Variants in INPP5F observed in about 807,000 individuals in gnomAD.
INPP5F encodes phosphatidylinositide 4-phosphatase SAC2.
In INPP5F, 97 loss-of-function variants were observed where a neutral mutation model predicts 137.2. That is an observed-to-expected ratio of 0.71 (90% CI 0.60 to 0.84). The LOEUF (loss-of-function observed/expected upper bound fraction) is 0.84, where lower values mean the gene tolerates loss of function less well. Ranked by LOEUF, INPP5F falls within the 40% of genes least tolerant of loss-of-function variation. The probability of loss-of-function intolerance (pLI) is 0.00; values close to 1 mark genes in which losing one functional copy is unlikely to be tolerated. For missense variants in INPP5F, 1,271 were observed against 1,371.9 expected, an observed-to-expected ratio of 0.93 and a Z score of 1.16; for synonymous variants, 504 against 476.9, an observed-to-expected ratio of 1.06 and a Z score of -0.74.
chr10:119,762,842 CT>C (rs1322620129), intron 2 of INPP5F, among the ~76,000 whole-genome samples: 1 of 152,164 alleles, frequency 6.6e-6, no homozygotes, highest in Non-Finnish European at 1.5e-5. Context: ...CCCTGTCCCC[CT>C]AAATGTATGC....
chr10:119,752,952 CT>C (rs34756292), intron 2 of INPP5F, among the ~76,000 whole-genome samples: 62 of 139,872 alleles, frequency 4.4e-4, no homozygotes, highest in Admixed American at 7.8e-4. Context: ...TTTTTTCTTT[CT>C]TTTTTTTTTG....
intron 2 of INPP5F, among the ~76,000 whole-genome samples, chr10:119,780,616 T>G (rs1849669578): frequency 6.6e-6 from 1 of 152,202 alleles, no homozygotes; most frequent in Admixed American, 6.5e-5. Flanking sequence ...TATTATAACA[T>G]AGCCTTATTA....
chr10:119,802,632 C>G (rs1850632869), intron 9 of INPP5F, among the ~76,000 whole-genome samples: 1 of 152,026 alleles, frequency 6.6e-6, no homozygotes, highest in Non-Finnish European at 1.5e-5. Context: ...CAGAAAATAT[C>G]TTTCTTTTTT....
chr10:119,804,820 G>A (rs1257641129), intron 10 of INPP5F, among the ~76,000 whole-genome samples: 1 of 151,806 alleles, frequency 6.6e-6, no homozygotes, highest in African/African-American at 2.4e-5. Context: ...TCCACTTTCT[G>A]GCTTCAAGGG....
chr10:119,750,891 C>T (rs1181734311), intron 1 of INPP5F, among the ~76,000 whole-genome samples, 185 bp from the exon 2 acceptor site: 1 of 152,182 alleles, frequency 6.6e-6, no homozygotes, highest in Non-Finnish European at 1.5e-5. Flanking sequence ...TTATTGTATC[C>T]CAAGCCTTAT....
At chr10:119,818,987 C>T (rs1220676611) in intron 15 of INPP5F, 3 of 152,224 alleles carry the variant, frequency 2.0e-5, no homozygotes, top group African/African-American at 7.2e-5. Context: ...ACTTCTTTTC[C>T]AAAGTCTGAT....
intron 1 of INPP5F, among the ~76,000 whole-genome samples, chr10:119,745,872 T>G (rs895284824): frequency 3.3e-5 from 5 of 151,768 alleles, no homozygotes; most frequent in African/African-American, 1.2e-4. Flanking sequence ...GCCCGGCTAG[T>G]TTTTGTATTT....
At chr10:119,734,560 C>CCTGGCCTCAAG (rs1848169547) in intron 1 of INPP5F, among the ~76,000 whole-genome samples, 1 of 152,094 alleles carries the variant, frequency 6.6e-6, no homozygotes, top group South Asian at 2.1e-4. Flanking sequence ...ATCTTGAACT[C>CCTGGCCTCAAG]CTGGCCTCAA....
intron 2 of INPP5F, among the ~76,000 whole-genome samples, chr10:119,760,009 T>A (rs890272407): frequency 2.0e-5 from 3 of 152,182 alleles, no homozygotes; most frequent in Non-Finnish European, 4.4e-5. Context: ...GAAGTGATGC[T>A]TGAAGAAGTC....
chr10:119,815,048 A>G (rs36079325), intron 15 of INPP5F, among the ~76,000 whole-genome samples: 7,151 of 151,886 alleles, frequency 0.047, 302 homozygotes, highest in South Asian at 0.25. Flanking sequence ...TGTATTTTTA[A>G]TAGAGATGGC....
chr10:119,798,452 A>C, intron 8 of INPP5F, 91 bp from the exon 9 acceptor site: 1 of 839,410 alleles, frequency 1.2e-6, no homozygotes, highest in East Asian at 2.5e-5. Flanking sequence ...GCTGTCAATA[A>C]ATTATTTAAA....
At position 119,797,347 on chromosome 10, in the gene INPP5F, C is replaced by T. The variant is rs555868677; in HGVS notation, c.869-114C>T. The T allele has an allele frequency of 5.9e-4, 481 of 814,234 alleles. 2 individuals carry two copies. Among genetic ancestry groups the T allele is most frequent in the South Asian group, 3.4e-3 (189 of 55,144 alleles). The allele number at this position is 814,234 out of a possible 1,614,324, so 50.4% of individuals were successfully genotyped here. ...GATACTGTTCTGCTTGGCAGTTGCA[C>T]ACTGAATCCCCAAGGCTATCCTGGA... On this transcript the variant is annotated intron_variant, in intron 7 of 19. Transcript: ENST00000650623.
chr10:119,774,855 G>A (rs1849472510), intron 2 of INPP5F, among the ~76,000 whole-genome samples: 1 of 152,060 alleles, frequency 6.6e-6, no homozygotes, highest in Non-Finnish European at 1.5e-5. Context: ...TGTATAGTTA[G>A]TTTTTAACCT....
At chr10:119,727,967 G>T (rs1028485279) in intron 1 of INPP5F, among the ~76,000 whole-genome samples, 14 of 152,304 alleles carry the variant, frequency 9.2e-5, no homozygotes, top group South Asian at 4.2e-4. Flanking sequence ...AACTGGATGG[G>T]ACTTAAGATC....
At chr10:119,755,340 C>G (rs1848810271) in intron 2 of INPP5F, among the ~76,000 whole-genome samples, 1 of 152,178 alleles carries the variant, frequency 6.6e-6, no homozygotes. Flanking sequence ...CCACCATCCC[C>G]TTGTGTCTTC....
rs1466307835 is a variant in INPP5F, at chr10:119,823,884, T to G, written c.2231T>G (p.Ile744Ser). 1 of 1,613,522 alleles carries G rather than the reference T, an allele frequency of 6.2e-7. No homozygotes were observed. Residue 744 changes from isoleucine to serine, a missense_variant, in exon 19 of 20, where the codon ATT (isoleucine) becomes AGT (serine). Transcript: ENST00000650623. ...GCCATGGGATCGGATTTACCCATAA[T>G]TGAGAAGAAACTTGAGAGGTGAGTA... ...KQAMGSDLPI[I>S]EKKLERKSSK... is the part of the protein sequence containing the mutation.
chr10:119,801,809 C>T (rs919020636), intron 9 of INPP5F, among the ~76,000 whole-genome samples: 10 of 151,900 alleles, frequency 6.6e-5, no homozygotes, highest in African/African-American at 1.9e-4. Context: ...TTAAGTGTAA[C>T]GTGCAATTAT....
At chr10:119,813,581 C>T (rs1851132437) in intron 15 of INPP5F, among the ~76,000 whole-genome samples, 1 of 152,044 alleles carries the variant, frequency 6.6e-6, no homozygotes, top group Admixed American at 6.6e-5. Context: ...GCCATGACTG[C>T]AGCACTGAAC....
At chr10:119,816,836 T>C (rs1851299072) in intron 15 of INPP5F, among the ~76,000 whole-genome samples, 1 of 152,224 alleles carries the variant, frequency 6.6e-6, no homozygotes, top group Non-Finnish European at 1.5e-5. Flanking sequence ...TTAAACAGTT[T>C]TATTGAGACA....
Sources: gnomAD v4.1 joint callset for allele counts (sites outside exome capture counted in the v4.1 genomes callset) on GRCh38, gnomAD v4.1.1 for gene constraint, MANE v1.5 for transcripts, NCBI Gene and HGNC (gene_info 2026-07-23, HGNC 2026-07-21) for gene names.